The following TRPA1 variants were observed in gnomAD, a reference collection of about 807,000 sequenced individuals.
The protein encoded by TRPA1 is transient receptor potential cation channel subfamily A member 1, also known as ankyrin-like with transmembrane domains 1.
In TRPA1, 129 loss-of-function variants were observed where a neutral mutation model predicts 131.3. The observed-to-expected ratio is 0.98, with a 90% CI of 0.85 to 1.14. The LOEUF (loss-of-function observed/expected upper bound fraction) is 1.14, where lower values mean the gene tolerates loss of function less well. Among genes scored for constraint, TRPA1 ranks in the 50% most tolerant of loss-of-function variants. The pLI is 0.00. For synonymous variants in TRPA1, 441 were observed against 451.7 expected, an observed-to-expected ratio of 0.98 and a Z score of 0.30; for missense variants, 1,304 against 1,354.2, an observed-to-expected ratio of 0.96 and a Z score of 0.58.
chr8:72,025,333 G>A lies in TRPA1; in HGVS notation c.3051+627C>T, dbSNP rs567701389. 1.1e-4 allele frequency among the ~76,000 whole-genome samples: 17 copies of A among 152,108 alleles called. No homozygotes were observed. In the South Asian group the frequency reaches 1.9e-3, roughly 17 times the overall value. ...ATAATTGTTTGGTTGTTCCTCATGC[G>A]TTCGTTCTCCTTCCTGCTGCCTGTG... On this transcript the variant is annotated intron_variant, in intron 25 of 26. Transcript: ENST00000262209.
intron 20 of TRPA1, among the ~76,000 whole-genome samples, chr8:72,036,672 G>A (rs1291989611): frequency 2.0e-5 from 3 of 152,154 alleles, no homozygotes; most frequent in Admixed American, 1.3e-4. Context: ...CTGTTAACCT[G>A]GTGTTATGGG....
At chr8:72,053,007 A>C (rs111556819) in intron 13 of TRPA1, 3 of 232,044 alleles carry the variant, frequency 1.3e-5, no homozygotes, top group South Asian at 4.0e-5. Context: ...GAGATAGAGA[A>C]AGAGAGAGAG....
At chr8:72,033,202 A>C (rs1035358616) in intron 23 of TRPA1, among the ~76,000 whole-genome samples, 7 of 152,050 alleles carry the variant, frequency 4.6e-5, no homozygotes, top group African/African-American at 1.7e-4. Context: ...CTCTGCCTAA[A>C]CTCTGACCCC....
rs766316658 is a variant in TRPA1, at chr8:72,059,341, C to A, written c.993+49G>T. The stretch of plus-strand genomic sequence containing the variant: ...TCCATATTATGTAATTATACGATTT[C>A]TTAAATTATAAATAGTAATAAAAAT... On this transcript the variant is annotated intron_variant, in intron 8 of 26. Transcript: ENST00000262209. 6 of 1,227,396 alleles carry A rather than the reference C, an allele frequency of 4.9e-6. No homozygotes were observed. The East Asian group carries it at 1.0e-4, about 21-fold the overall frequency. The allele number at this position is 1,227,396 out of a possible 1,614,324, so 76.0% of individuals were successfully genotyped here.
At position 72,026,025 on chromosome 8, in the gene TRPA1, G is replaced by T. The variant is rs61758121; in HGVS notation, c.2986C>A (p.Arg996Ser). The T allele has an allele frequency of 6.2e-7, 1 of 1,613,896 alleles. No homozygotes were observed. The highest frequency in any genetic ancestry group is 8.5e-7 in the Non-Finnish European group (1 of 1,179,928). Residue 996 changes from arginine to serine, a missense_variant, in exon 25 of 27, where the codon CGC becomes AGC. Arg to Ser is a moderately radical substitution (Grantham distance 110). Transcript: ENST00000262209. Reference sequence around the variant, plus strand: ...ATGGTGGATTTCTGATCCACTTTGCGTAGAAACCAAAGTGGCAGCTTCTTC... The same window carrying T: ...ATGGTGGATTTCTGATCCACTTTGCTTAGAAACCAAAGTGGCAGCTTCTTC... ...LEKKLPLWFLRKVDQKSTIVY... is the reference protein window; with the variant it reads ...LEKKLPLWFLSKVDQKSTIVY...
In TRPA1 at chr8:72,046,511, A is replaced by C. The variant is rs1812440293; in HGVS notation, c.2061+2T>G. On this transcript the variant is annotated splice_donor_variant, in intron 17 of 26. Transcript: ENST00000262209. LOFTEE classifies it high-confidence loss of function. ...TTTAGATAATGAAAACATTGAACTT[A>C]CGTTGAGGGCTGTAAGCGGTTCATA... 1.3e-6 allele frequency: 2 copies of C among 1,543,750 alleles called. No homozygotes were observed. Among genetic ancestry groups the C allele is most frequent in the Non-Finnish European group, 1.8e-6 (2 of 1,128,446 alleles).
At position 72,021,668 on chromosome 8, in the gene TRPA1, G is replaced by C. The variant is rs1241438148; in HGVS notation, c.*1238C>G. 5 of 144,044 alleles carry C rather than the reference G, an allele frequency of 3.5e-5. No homozygotes were observed. The East Asian group carries it at 9.1e-4, about 26-fold the overall frequency. The allele number at this position is 144,044 out of a possible 1,614,324, so 8.9% of individuals were successfully genotyped here. ...GCAGGAAGGTGGAGGTAACCAAGCT[G>C]TCCATCTCTAGAAAAGTCCAGTGTG... is the stretch of plus-strand genomic sequence containing the variant. On this transcript the variant is annotated 3_prime_UTR_variant, in exon 27 of 27. Transcript: ENST00000262209.
chr8:72,038,169 T>A (rs1156251378), intron 19 of TRPA1, 97 bp from the exon 20 acceptor site: 1 of 698,408 alleles, frequency 1.4e-6, no homozygotes, highest in Admixed American at 2.8e-5. Context: ...TTCTTTTTTT[T>A]TTGCTTAATT....
intron 15 of TRPA1, among the ~76,000 whole-genome samples, chr8:72,048,618 G>T (rs1267764062): frequency 6.6e-6 from 1 of 152,080 alleles, no homozygotes; most frequent in Admixed American, 6.6e-5. Context: ...GGCTGTCTTG[G>T]GTGGGGGCTG....
In TRPA1 at chr8:72,036,294, A is replaced by ATTTCTTATT. The variant is rs1424110318; in HGVS notation, c.2548_2549insAATAAGAAA (p.Leu850delinsGlnTer). The ATTTCTTATT allele has an allele frequency of 6.2e-7, 1 of 1,614,048 alleles. No homozygotes were observed. On this transcript the variant is annotated stop_gained and protein_altering_variant, in exon 21 of 27. Transcript: ENST00000262209. LOFTEE classifies it high-confidence loss of function. ...TAATTCAAGCTTGTTTTACCTTTGA[A>ATTTCTTATT]GATACAATAAGAAATTCATCCAATA...
rs377324180 is a variant in TRPA1 at position 72,071,773 on chromosome 8, T to C, written c.206A>G (p.Tyr69Cys). 6.2e-7 allele frequency: 1 copy of C among 1,613,720 alleles called. No individual in the cohort carries two copies. Among genetic ancestry groups the C allele is most frequent in the Non-Finnish European group, 8.5e-7 (1 of 1,179,792 alleles). ...CTCAATTTGGCCTTCTGCTGCAGCATAATGCAAGAAGAAGGTGTCCATATC... is the reference window on the plus strand; with the variant it reads ...CTCAATTTGGCCTTCTGCTGCAGCACAATGCAAGAAGAAGGTGTCCATATC... ...CDDMDTFFLH[Y>C]AAAEGQIELM... The change falls in exon 2 of 27, where the codon TAT (tyrosine) becomes TGT (cysteine). Residue 69 changes from tyrosine to cysteine, a missense_variant. By Grantham distance (194) the Tyr-to-Cys change is radical (BLOSUM62 -2). Coordinates refer to ENST00000262209, the MANE Select transcript of TRPA1 (RefSeq NM_007332.3).
chr8:72,089,940 A>G, the TRPA1 span, among the ~76,000 whole-genome samples: 1 of 152,074 alleles, frequency 6.6e-6, no homozygotes, highest in African/African-American at 2.4e-5. Flanking sequence ...AAGAAAAGGT[A>G]TGCTTACCTT....
chr8:72,039,025 A>C lies in TRPA1; in HGVS notation c.2135T>G (p.Leu712Trp). 1 of 1,612,544 alleles carries C rather than the reference A, an allele frequency of 6.2e-7. No homozygotes were observed. Among genetic ancestry groups the C allele is most frequent in the South Asian group, 1.1e-5 (1 of 91,050 alleles). ...CATATGAGCTCTAAATCCATAAGCC[A>C]ACCTACAAAAATATAAGCAAACCAG... Reference protein sequence around the residue: ...VCKEYLLMKWLAYGFRAHMMN... With the variant: ...VCKEYLLMKWWAYGFRAHMMN... The change falls in exon 19 of 27, where the codon TTG becomes TGG. Residue 712 changes from leucine to tryptophan, a missense_variant and splice_region_variant. Transcript: ENST00000262209.
chr8:72,083,714 G>C, the TRPA1 span, among the ~76,000 whole-genome samples: 1 of 152,130 alleles, frequency 6.6e-6, no homozygotes, highest in Non-Finnish European at 1.5e-5. Context: ...CTGCACTCCA[G>C]CAGGGGTGAC....
chr8:72,034,971 G>A (rs1242330357), intron 21 of TRPA1, among the ~76,000 whole-genome samples: 1 of 152,226 alleles, frequency 6.6e-6, no homozygotes, highest in East Asian at 1.9e-4. Context: ...AAATTAGAGA[G>A]ATAAATTGTG....
intron 10 of TRPA1, 39 bp downstream of exon 10, chr8:72,056,878 A>G: frequency 7.2e-7 from 1 of 1,388,368 alleles, no homozygotes; most frequent in South Asian, 1.2e-5. Flanking sequence ...TTTCTGTTGA[A>G]CCCAACTCAG....
chr8:72,085,665 G>A, the TRPA1 span, among the ~76,000 whole-genome samples: 21 of 151,716 alleles, frequency 1.4e-4, no homozygotes, highest in African/African-American at 4.6e-4. Context: ...TAGATGTGTT[G>A]CATGCAAGCA....
intron 4 of TRPA1, among the ~76,000 whole-genome samples, chr8:72,063,807 A>G (rs1310029400): frequency 6.6e-6 from 1 of 152,216 alleles, no homozygotes; most frequent in African/African-American, 2.4e-5. Context: ...CACAACATCT[A>G]TCTTGATACC....
At chr8:72,069,917 C>A (rs1806019946) in intron 2 of TRPA1, among the ~76,000 whole-genome samples, 1 of 151,976 alleles carries the variant, frequency 6.6e-6, no homozygotes, top group Admixed American at 6.6e-5. Flanking sequence ...AGCAATGATT[C>A]AAAAAATGTT....
Sources: allele counts gnomAD v4.1 joint callset (sites outside exome capture counted in the v4.1 genomes callset), GRCh38; gene constraint gnomAD v4.1.1; transcripts MANE v1.5; gene names NCBI Gene and HGNC (gene_info 2026-07-23, HGNC 2026-07-21).